Variants in ATXN1 observed in about 807,000 individuals in gnomAD.
ATXN1 encodes ataxin-1.
A neutral mutation model predicts 56.4 loss-of-function variants in ATXN1; 8 were observed. The observed-to-expected ratio is 0.14, with a 90% CI of 0.08 to 0.26. The LOEUF is 0.26. Ranked by LOEUF, ATXN1 falls within the 10% of genes least tolerant of loss-of-function variation. The pLI, the probability that ATXN1 is intolerant of heterozygous loss-of-function variation, is 1.00. For missense variants in ATXN1, 987 were observed against 1,106.5 expected (o/e 0.89, Z 1.53); for synonymous variants, 514 against 494.6 (o/e 1.04, Z -0.52).
At chr6:16,419,521 C>T (rs558787436) in intron 6 of ATXN1, among the ~76,000 whole-genome samples, 4 of 151,992 alleles carry the variant, frequency 2.6e-5, no homozygotes, top group South Asian at 2.1e-4. Context: ...TGTGATACAA[C>T]CATGGAGTAC....
intron 3 of ATXN1, among the ~76,000 whole-genome samples, chr6:16,637,627 T>C (rs943398966): frequency 6.6e-5 from 10 of 152,188 alleles, no homozygotes; most frequent in Non-Finnish European, 1.2e-4. Context: ...AAAATCACCT[T>C]AAAATATCCA....
intron 7 of ATXN1, among the ~76,000 whole-genome samples, chr6:16,312,013 C>T (rs1581681707): frequency 6.6e-6 from 1 of 152,134 alleles, no homozygotes; most frequent in Non-Finnish European, 1.5e-5. Flanking sequence ...GGCAGATGGC[C>T]GGACACCTAC....
intron 3 of ATXN1, among the ~76,000 whole-genome samples, chr6:16,624,357 A>G (rs1237931011): frequency 6.9e-6 from 1 of 145,062 alleles, no homozygotes; most frequent in Non-Finnish European, 1.6e-5. Context: ...GTCTCAAGAA[A>G]AAAAAAAAAA....
chr6:16,693,264 C>A (rs1299066614), intron 2 of ATXN1, among the ~76,000 whole-genome samples: 4 of 152,122 alleles, frequency 2.6e-5, no homozygotes, highest in African/African-American at 9.7e-5. Flanking sequence ...CAGTGGTCTC[C>A]GCCATTGATC....
intron 3 of ATXN1, among the ~76,000 whole-genome samples, chr6:16,627,347 T>C (rs902206213): frequency 5.9e-5 from 9 of 152,224 alleles, no homozygotes; most frequent in African/African-American, 2.2e-4. Context: ...TTTCCCTGGC[T>C]ACACTGAGCC....
chr6:16,401,574 G>A lies in ATXN1; in HGVS notation c.-160-73104C>T, dbSNP rs115730713. Among the ~76,000 whole-genome samples, 83 of 152,308 alleles carry A rather than the reference G, an allele frequency of 5.4e-4. 1 individual carries two copies. The highest frequency in any genetic ancestry group is 2.0e-3 in the African/African-American group (82 of 41,570). ...GTTGGGGCAGATGAAATGGTCTAAG[G>A]TTAGACAGCAACAAAAACAACTTTG... On this transcript the variant is annotated intron_variant, in intron 6 of 7. Coordinates refer to ENST00000436367, the MANE Select transcript of ATXN1 (RefSeq NM_001128164.2).
intron 6 of ATXN1, among the ~76,000 whole-genome samples, chr6:16,346,544 G>A (rs1260238154): frequency 6.6e-6 from 1 of 152,174 alleles, no homozygotes; most frequent in East Asian, 1.9e-4. Context: ...TGATAATATC[G>A]TTCTGACTCC....
At chr6:16,496,858 C>A (rs771115176) in intron 5 of ATXN1, among the ~76,000 whole-genome samples, 3 of 152,038 alleles carry the variant, frequency 2.0e-5, no homozygotes, top group Non-Finnish European at 4.4e-5. Flanking sequence ...AAGAGCATAT[C>A]CCCATTTCTA....
intron 6 of ATXN1, among the ~76,000 whole-genome samples, chr6:16,475,489 C>CT (rs954533250): frequency 2.0e-5 from 3 of 152,184 alleles, no homozygotes; most frequent in African/African-American, 7.2e-5. Flanking sequence ...ACTTAACAGA[C>CT]TTTATCGCAT....
intron 3 of ATXN1, among the ~76,000 whole-genome samples, chr6:16,643,645 AAAAG>A (rs1389144231): frequency 2.5e-4 from 38 of 151,764 alleles, no homozygotes; most frequent in African/African-American, 8.4e-4. Context: ...AAAAAAAAAA[AAAAG>A]AGAAGAGAAG....
At chr6:16,484,607 C>T (rs1378450779) in intron 6 of ATXN1, among the ~76,000 whole-genome samples, 3 of 152,088 alleles carry the variant, frequency 2.0e-5, no homozygotes, top group East Asian at 1.9e-4. Context: ...CTAGACCCAA[C>T]GTGTACAGAA....
intron 6 of ATXN1, among the ~76,000 whole-genome samples, chr6:16,349,742 T>C (rs1423525558): frequency 7.0e-6 from 1 of 143,286 alleles, no homozygotes; most frequent in Non-Finnish European, 1.5e-5. Flanking sequence ...AGTGCACTGA[T>C]TTTTTTTTCC....
chr6:16,517,501 T>C (rs1761205871), intron 5 of ATXN1, among the ~76,000 whole-genome samples: 1 of 152,224 alleles, frequency 6.6e-6, no homozygotes, highest in Non-Finnish European at 1.5e-5. Flanking sequence ...ACTGGGCATG[T>C]TGTAAGTGCT....
intron 3 of ATXN1, among the ~76,000 whole-genome samples, chr6:16,637,793 C>T (rs1336725403): frequency 6.6e-6 from 1 of 152,138 alleles, no homozygotes; most frequent in Non-Finnish European, 1.5e-5. Context: ...TGTTGGGGGG[C>T]GATTCCCAGA....
At chr6:16,386,471 G>C (rs191588661) in intron 6 of ATXN1, among the ~76,000 whole-genome samples, 2 of 152,188 alleles carry the variant, frequency 1.3e-5, no homozygotes, top group African/African-American at 4.8e-5. Context: ...TTTCAGATCA[G>C]ACTGAACTCT....
chr6:16,396,951 G>T (rs796476882), intron 6 of ATXN1, among the ~76,000 whole-genome samples: 8 of 152,348 alleles, frequency 5.3e-5, no homozygotes, highest in African/African-American at 1.9e-4. Flanking sequence ...AGGAGCAACA[G>T]GCTGCATTAT....
At chr6:16,394,216 T>C (rs1390088431) in intron 6 of ATXN1, among the ~76,000 whole-genome samples, 1 of 152,132 alleles carries the variant, frequency 6.6e-6, no homozygotes, top group Non-Finnish European at 1.5e-5. Flanking sequence ...AACCTGTGAT[T>C]ATGGAAGGAA....
chr6:16,751,606 A>G (rs1760721007), intron 2 of ATXN1, among the ~76,000 whole-genome samples: 1 of 151,682 alleles, frequency 6.6e-6, no homozygotes, highest in Admixed American at 6.6e-5. Context: ...AAAAAACCAC[A>G]CATGCATCCC....
chr6:16,624,222 G>A (rs1001834700), intron 3 of ATXN1, among the ~76,000 whole-genome samples: 12 of 152,000 alleles, frequency 7.9e-5, no homozygotes, highest in African/African-American at 2.7e-4. Context: ...GTCGTGGCAG[G>A]TTCCTGTAAT....
Sources: gnomAD v4.1 joint callset for allele counts (sites outside exome capture counted in the v4.1 genomes callset) on GRCh38, gnomAD v4.1.1 for gene constraint, MANE v1.5 for transcripts, NCBI Gene and HGNC (gene_info 2026-07-23, HGNC 2026-07-21) for gene names.